Variants in COL22A1 observed in about 807,000 individuals in gnomAD.
COL22A1 encodes collagen type XXII alpha 1 chain.
In COL22A1, 221 loss-of-function variants were observed where a neutral mutation model predicts 248.9. The ratio of observed to expected loss-of-function variants is 0.89; its 90% CI spans 0.80 to 0.99. The LOEUF is 0.99. Ranked by LOEUF, COL22A1 falls within the 50% of genes least tolerant of loss-of-function variation. The pLI is 0.00. For synonymous variants in COL22A1, 891 were observed against 793.4 expected (o/e 1.12, Z -2.07); for missense variants, 2,240 against 2,179.0 (o/e 1.03, Z -0.56).
rs143910537 is a variant in COL22A1, at chr8:138,653,135, C to T, written c.3333+2762G>A. Among the ~76,000 whole-genome samples the T allele has an allele frequency of 1.8e-3, 278 of 152,230 alleles. 1 individual carries two copies. Among genetic ancestry groups the T allele is most frequent in the African/African-American group, 6.0e-3 (251 of 41,530 alleles). ...TGGTTTGAAGTACCAAGTAAGCACT[C>T]AACAAAATGCTTACTACATGGAGAA... On this transcript the variant is annotated intron_variant, in intron 45 of 64. Transcript: ENST00000303045.
At chr8:138,709,388 C>A (rs1264683849) in intron 30 of COL22A1, among the ~76,000 whole-genome samples, 1 of 152,044 alleles carries the variant, frequency 6.6e-6, no homozygotes, top group East Asian at 1.9e-4. Flanking sequence ...GGAACCAACC[C>A]AAATGTCCAT....
At chr8:138,877,295 C>T (rs187494249) in intron 3 of COL22A1, among the ~76,000 whole-genome samples, 45 of 152,318 alleles carry the variant, frequency 3.0e-4, no homozygotes, top group African/African-American at 1.0e-3. Flanking sequence ...TTGCGTGATC[C>T]CTCATCACTG....
chr8:138,655,864 C>A (rs1006713870), intron 45 of COL22A1, 33 bp downstream of exon 45: 7 of 1,577,592 alleles, frequency 4.4e-6, no homozygotes, highest in Non-Finnish European at 6.1e-6. Context: ...TCACCATTTT[C>A]AAAACACATG....
At chr8:138,685,961 A>T (rs1826315842) in intron 37 of COL22A1, among the ~76,000 whole-genome samples, 1 of 152,008 alleles carries the variant, frequency 6.6e-6, no homozygotes, top group African/African-American at 2.4e-5. Flanking sequence ...TCTCTTACAG[A>T]TCAGCCCTCA....
At chr8:138,888,916 C>T (rs1030268550) in intron 1 of COL22A1, among the ~76,000 whole-genome samples, 5 of 152,280 alleles carry the variant, frequency 3.3e-5, no homozygotes, top group Non-Finnish European at 7.3e-5. Context: ...GAATGATGAA[C>T]GGCCAGCATC....
intron 21 of COL22A1, 127 bp from the exon 22 acceptor site, chr8:138,751,638 A>G: frequency 1.8e-6 from 1 of 546,254 alleles, no homozygotes; most frequent in South Asian, 3.1e-5. Context: ...TCTGATGGGG[A>G]AATTCGGAGG....
Position 138,716,832 on chromosome 8 carries a change from C to T in COL22A1, c.2393G>A (p.Gly798Glu). The T allele has an allele frequency of 1.2e-6, 2 of 1,610,268 alleles. No homozygotes were observed. The highest frequency in any genetic ancestry group is 8.5e-7 in the Non-Finnish European group (1 of 1,176,504). Residue 798 changes from glycine (G) to glutamate (E), a missense_variant, in exon 28 of 65, where the codon GGA (glycine) becomes GAA (glutamate). Physicochemically the swap from Gly to Glu is moderately conservative, Grantham distance 98. Transcript: ENST00000303045. Reference sequence around the variant, plus strand: ...AAGCACAAACAAACAGACCTTCTCTCCAGGTCGGCCTGCCAGGCCCTGCTC... The same window carrying T: ...AAGCACAAACAAACAGACCTTCTCTTCAGGTCGGCCTGCCAGGCCCTGCTC... ...IGEQGLAGRP[G>E]EKGEAGLPGA... is the part of the protein sequence containing the mutation.
chr8:138,601,050 C>T (rs543148649), intron 60 of COL22A1, among the ~76,000 whole-genome samples: 3 of 152,216 alleles, frequency 2.0e-5, no homozygotes, highest in Admixed American at 6.5e-5. Flanking sequence ...GCAAGCTCTC[C>T]GCCTATTGAT....
chr8:138,763,162 G>A (rs2131402929), intron 16 of COL22A1, among the ~76,000 whole-genome samples: 1 of 152,270 alleles, frequency 6.6e-6, no homozygotes, highest in South Asian at 2.1e-4. Flanking sequence ...TGAGGCGGGT[G>A]AATCACCTGA....
intron 22 of COL22A1, among the ~76,000 whole-genome samples, chr8:138,748,761 G>A (rs573461510): frequency 3.2e-4 from 49 of 152,340 alleles, no homozygotes; most frequent in Non-Finnish European, 6.0e-4. Flanking sequence ...CATTGCATGG[G>A]TGGCTGGTAT....
chr8:138,751,379 A>G, intron 22 of COL22A1, 79 bp downstream of exon 22: 4 of 985,802 alleles, frequency 4.1e-6, no homozygotes, highest in Non-Finnish European at 4.7e-6. Flanking sequence ...GACACTGTCT[A>G]TCTTCTCTGC....
Position 138,613,906 on chromosome 8 carries a change from G to A in COL22A1, c.3939C>T (p.Pro1313=). The A allele has an allele frequency of 6.2e-7, 1 of 1,613,534 alleles. No homozygotes were observed. The highest frequency in any genetic ancestry group is 8.5e-7 in the Non-Finnish European group (1 of 1,179,438). Residue 1313 remains proline (P), a synonymous_variant, in exon 56 of 65, where the codon CCC becomes CCT. Transcript: ENST00000303045. ...GTCCTTGGGGACCCTGTGGCCCAGT[G>A]GGTCCAGTGTCACCCTGGAACAAAG... ...GLPGKDGDTG[P]TGPQGPQGPR...
chr8:138,833,072 C>A lies in COL22A1; in HGVS notation c.812G>T (p.Arg271Leu). ...RENGAQSSYV[R>L]MGSFPVVQST... ...TTGCACCACAGGGAAGGATCCCATC[C>A]GTACATAGGAACTCTGAGCTCCATT... Residue 271 changes from arginine (R) to leucine (L), a missense_variant, in exon 5 of 65, where the codon CGG becomes CTG. By Grantham distance (102) the Arg-to-Leu change is moderately radical. Transcript: ENST00000303045. The A allele has an allele frequency of 6.2e-7, 1 of 1,613,428 alleles. No homozygotes were observed. Among genetic ancestry groups the A allele is most frequent in the African/African-American group, 1.3e-5 (1 of 75,036 alleles).
Position 138,837,832 on chromosome 8 carries a change from G to A in COL22A1, c.734-4682C>T, listed in dbSNP as rs974413421. Among the ~76,000 whole-genome samples, 4 of 152,168 alleles carry A rather than the reference G, an allele frequency of 2.6e-5. No individual in the cohort carries two copies. The East Asian group carries it at 7.7e-4, about 29-fold the overall frequency. On this transcript the variant is annotated intron_variant, in intron 4 of 64. Transcript: ENST00000303045. ...TGTCCCAGAGAAAGGCAGAATAGGT[G>A]AGAACAGGTTTTGAGACCAGCCCAT...
At chr8:138,644,428 T>A (rs775242460) in intron 47 of COL22A1, among the ~76,000 whole-genome samples, 3 of 152,110 alleles carry the variant, frequency 2.0e-5, no homozygotes, top group Non-Finnish European at 4.4e-5. Context: ...TAATGTCAAA[T>A]GAGCACTTAC....
intron 47 of COL22A1, among the ~76,000 whole-genome samples, chr8:138,642,325 T>G (rs987217386): frequency 6.6e-6 from 1 of 152,204 alleles, no homozygotes; most frequent in African/African-American, 2.4e-5. Flanking sequence ...AAACAACAGC[T>G]CTGCCTCCTA....
intron 3 of COL22A1, among the ~76,000 whole-genome samples, chr8:138,852,518 CT>C (rs1267251675): frequency 3.3e-5 from 5 of 152,150 alleles, no homozygotes; most frequent in African/African-American, 1.2e-4. Flanking sequence ...GCATCTGGAT[CT>C]GTAAGCTCAG....
intron 27 of COL22A1, among the ~76,000 whole-genome samples, chr8:138,717,108 C>A (rs974468642): frequency 3.9e-5 from 6 of 152,118 alleles, no homozygotes; most frequent in Non-Finnish European, 8.8e-5. Context: ...AGAAACAACT[C>A]TTAGAACTGT....
chr8:138,813,244 C>A (rs1280527302), intron 7 of COL22A1, among the ~76,000 whole-genome samples: 1 of 152,142 alleles, frequency 6.6e-6, no homozygotes, highest in Non-Finnish European at 1.5e-5. Context: ...TGTCCCCACC[C>A]AAATCTCATC....
Sources: allele counts gnomAD v4.1 joint callset (sites outside exome capture counted in the v4.1 genomes callset), GRCh38; gene constraint gnomAD v4.1.1; transcripts MANE v1.5; gene names NCBI Gene and HGNC (gene_info 2026-07-23, HGNC 2026-07-21).